RRM2B: variants seen among roughly 807,000 people sequenced by gnomAD.
RRM2B encodes the protein ribonucleotide reductase regulatory TP53 inducible subunit M2B, also known as ribonucleoside-diphosphate reductase subunit M2 B.
A neutral mutation model predicts 45.9 loss-of-function variants in RRM2B; 20 were observed. The observed-to-expected ratio is 0.44, with a 90% CI of 0.31 to 0.63. The LOEUF (loss-of-function observed/expected upper bound fraction) is 0.63, where lower values mean the gene tolerates loss of function less well. Ranked by LOEUF, RRM2B falls within the 30% of genes least tolerant of loss-of-function variation. The pLI is 0.09. For synonymous variants in RRM2B, 124 were observed against 132.3 expected, an observed-to-expected ratio of 0.94 and a Z score of 0.43; for missense variants, 320 against 414.7, an observed-to-expected ratio of 0.77 and a Z score of 1.98.
intron 7 of RRM2B, among the ~76,000 whole-genome samples, chr8:102,213,743 TA>T (rs879889632): frequency 1.0e-4 from 15 of 144,276 alleles, no homozygotes; most frequent in East Asian, 2.0e-4. Flanking sequence ...ACTAAAAATG[TA>T]AAAAAAAAAG....
At position 102,224,950 on chromosome 8, in the gene RRM2B, G is replaced by C; in HGVS notation, c.390C>G (p.Ile130Met). 1 of 1,613,314 alleles carries C rather than the reference G, an allele frequency of 6.2e-7. No individual in the cohort carries two copies. Among genetic ancestry groups the C allele is most frequent in the Non-Finnish European group, 8.5e-7 (1 of 1,179,338 alleles). Residue 130 changes from isoleucine (I) to methionine (M), a missense_variant, in exon 4 of 9, where the codon ATC (isoleucine) becomes ATG (methionine). Physicochemically the swap from Ile to Met is conservative, Grantham distance 10. Around this residue, in one of 3 missense-constraint regions of RRM2B, gnomAD observed 225 missense variants for 289.4 expected, o/e 0.78. Coordinates refer to ENST00000251810, the MANE Select transcript of RRM2B (RefSeq NM_015713.5). ...TGTACATCTCTGAGTGAACATTCTC[G>C]ATGAGAATTTGAAAGCCATAGAAAC... ...ARCFYGFQIL[I>M]ENVHSEMYSL...
In RRM2B at chr8:102,224,875, C is replaced by G. The variant is rs754597732; in HGVS notation, c.455+10G>C. 1.2e-6 allele frequency: 2 copies of G among 1,612,850 alleles called. No individual in the cohort carries two copies. The highest frequency in any genetic ancestry group is 2.7e-5 in the African/African-American group (2 of 74,838). On this transcript the variant is annotated intron_variant, in intron 4 of 8. Coordinates refer to ENST00000251810, the MANE Select transcript of RRM2B (RefSeq NM_015713.5). ...TAAGCAATATTTTGTAAATAAAATC[C>G]CAACAATACCTTTTCTTGGGATCTC...
chr8:102,232,189 A>AT lies in RRM2B; in HGVS notation c.163dup (p.Met55AsnfsTer3). On this transcript the variant is annotated frameshift_variant, in exon 2 of 9. Coordinates refer to ENST00000251810, the MANE Select transcript of RRM2B (RefSeq NM_015713.5). LOFTEE classifies it high-confidence loss of function. ...GAAGGAAGCCTGTGCCTGTTTATAC[A>AT]TTTTCCAAATATCAGGGTACTGGAT... The AT allele has an allele frequency of 6.2e-7, 1 of 1,614,166 alleles. No individual in the cohort carries two copies. The highest frequency in any genetic ancestry group is 8.5e-7 in the Non-Finnish European group (1 of 1,180,026).
chr8:102,210,913 T>C (rs975170015), intron 8 of RRM2B, among the ~76,000 whole-genome samples: 1 of 152,218 alleles, frequency 6.6e-6, no homozygotes, highest in Non-Finnish European at 1.5e-5. Context: ...CAAGTTTTGA[T>C]ACATAGTAAT....
chr8:102,226,168 T>C (rs1810928200), intron 2 of RRM2B, 134 bp from the exon 3 acceptor site: 1 of 642,086 alleles, frequency 1.6e-6, no homozygotes, highest in Non-Finnish European at 2.8e-6. Flanking sequence ...ATGTTAGCAC[T>C]GCAAAGAAAT....
Position 102,226,032 on chromosome 8 carries a change from G to C in RRM2B, c.207C>G (p.Val69=). 1 of 1,585,500 alleles carries C rather than the reference G, an allele frequency of 6.3e-7. No homozygotes were observed. The highest frequency in any genetic ancestry group is 1.3e-5 in the African/African-American group (1 of 74,412). ...AQASFWTAEE[V]DLSKDLPHWN... ...AGTGAGGGAGATCCTTTGATAAGTCGACCTGGAATAAAAAGATTTTCAAAA... is the reference window on the plus strand; with the variant it reads ...AGTGAGGGAGATCCTTTGATAAGTCCACCTGGAATAAAAAGATTTTCAAAA... The change falls in exon 3 of 9, where the codon GTC becomes GTG. Residue 69 remains valine, a splice_region_variant and synonymous_variant. Transcript: ENST00000251810.
At chr8:102,225,580 T>C (rs1810918481) in intron 3 of RRM2B, among the ~76,000 whole-genome samples, 1 of 152,164 alleles carries the variant, frequency 6.6e-6, no homozygotes, top group Non-Finnish European at 1.5e-5. Flanking sequence ...TGATCAACCA[T>C]AATCAAGTTT....
chr8:102,232,386 A>G (rs1029214379), intron 1 of RRM2B, 82 bp from the exon 2 acceptor site: 2 of 1,405,380 alleles, frequency 1.4e-6, no homozygotes. Context: ...TAAGGAAGTC[A>G]GGGAGACGGC....
At chr8:102,210,036 T>C (rs1810609052) in intron 8 of RRM2B, among the ~76,000 whole-genome samples, 1 of 152,148 alleles carries the variant, frequency 6.6e-6, no homozygotes, top group South Asian at 2.1e-4. Flanking sequence ...TGACTGCTAA[T>C]AGGGATACAG....
At chr8:102,225,382 C>T (rs146777033) in intron 3 of RRM2B, among the ~76,000 whole-genome samples, 165 of 151,994 alleles carry the variant, frequency 1.1e-3, no homozygotes, top group African/African-American at 3.8e-3. Flanking sequence ...TACAGGCATG[C>T]GCCAACACGC....
chr8:102,219,491 A>G (rs1194538885), intron 5 of RRM2B, among the ~76,000 whole-genome samples: 8 of 152,252 alleles, frequency 5.3e-5, no homozygotes, highest in Non-Finnish European at 1.2e-4. Flanking sequence ...AAATATATCT[A>G]TTAGATAAAA....
In RRM2B at chr8:102,207,775, C is replaced by T. The variant is rs1587165276; in HGVS notation, c.*358G>A. On this transcript the variant is annotated 3_prime_UTR_variant, in exon 9 of 9. Transcript: ENST00000251810. ...ATCCACTCTATGAATTTAGGACCTACTATTACTCCCATTTTAAAGATAAGT... is the reference window on the plus strand; with the variant it reads ...ATCCACTCTATGAATTTAGGACCTATTATTACTCCCATTTTAAAGATAAGT... The T allele has an allele frequency of 5.2e-6, 1 of 193,122 alleles. No homozygotes were observed. The highest frequency in any genetic ancestry group is 1.1e-5 in the Non-Finnish European group (1 of 92,398). 12.0% of individuals were successfully genotyped at this position (193,122 alleles called of 1,614,324 possible). A position where few individuals can be genotyped will look rare whatever the true frequency, so the allele number is the denominator to read the frequency against.
chr8:102,224,709 T>A (rs920203149), intron 4 of RRM2B, among the ~76,000 whole-genome samples, 176 bp downstream of exon 4: 1 of 152,236 alleles, frequency 6.6e-6, no homozygotes, highest in Non-Finnish European at 1.5e-5. Flanking sequence ...AAAGGTTAAC[T>A]GGTTCTATAA....
intron 4 of RRM2B, 126 bp from the exon 5 acceptor site, chr8:102,224,266 C>G: frequency 1.5e-6 from 1 of 652,694 alleles, no homozygotes; most frequent in Non-Finnish European, 2.7e-6. Flanking sequence ...ACTGCAAGCT[C>G]CACCTCCCGG....
chr8:102,215,626 T>C (rs1326615446), intron 6 of RRM2B, among the ~76,000 whole-genome samples: 1 of 151,888 alleles, frequency 6.6e-6, no homozygotes, highest in African/African-American at 2.4e-5. Context: ...GTCAAGTACC[T>C]AAATGGGATT....
chr8:102,219,299 T>A (rs1458822086), intron 5 of RRM2B, among the ~76,000 whole-genome samples: 1 of 152,230 alleles, frequency 6.6e-6, no homozygotes, highest in Admixed American at 6.5e-5. Context: ...TATGTGTGTG[T>A]GTGTACTGGA....
intron 1 of RRM2B, among the ~76,000 whole-genome samples, chr8:102,236,535 T>C (rs1419244561): frequency 1.3e-5 from 2 of 152,182 alleles, no homozygotes; most frequent in Non-Finnish European, 2.9e-5. Flanking sequence ...TTCACCAGCC[T>C]GAGGTGTTGG....
At position 102,214,556 on chromosome 8, in the gene RRM2B, A is replaced by G. The variant is rs141496546; in HGVS notation, c.685-398T>C. Among the ~76,000 whole-genome samples, 1,197 of 152,112 alleles carry G rather than the reference A, an allele frequency of 7.9e-3. 10 individuals are homozygous for G. The highest frequency in any genetic ancestry group is 0.013 in the Non-Finnish European group (880 of 67,986). Reference sequence around the variant, plus strand: ...TATTTAAATAACAGATGAAACTCAGATTTCAAAAATACATTTATAATTAAA... The same window carrying G: ...TATTTAAATAACAGATGAAACTCAGGTTTCAAAAATACATTTATAATTAAA... On this transcript the variant is annotated intron_variant, in intron 6 of 8. Coordinates refer to ENST00000251810, the MANE Select transcript of RRM2B (RefSeq NM_015713.5).
At chr8:102,233,551 T>G (rs1435530368) in intron 1 of RRM2B, among the ~76,000 whole-genome samples, 2 of 152,212 alleles carry the variant, frequency 1.3e-5, no homozygotes, top group Non-Finnish European at 2.9e-5. Flanking sequence ...CTTTAGAAAA[T>G]TTTAATTTAA....
Sources: allele counts gnomAD v4.1 joint callset (sites outside exome capture counted in the v4.1 genomes callset), GRCh38; gene constraint gnomAD v4.1.1; regional missense constraint gnomAD v4.1.1; transcripts MANE v1.5; gene names NCBI Gene and HGNC (gene_info 2026-07-23, HGNC 2026-07-21).